Variants in GALNTL6 observed in about 807,000 individuals in gnomAD.
GALNTL6 encodes the protein polypeptide N-acetylgalactosaminyltransferase like 6.
A neutral mutation model predicts 73.7 loss-of-function variants in GALNTL6; 46 were observed. The ratio of observed to expected loss-of-function variants is 0.62; its 90% confidence interval spans 0.49 to 0.80. The LOEUF (loss-of-function observed/expected upper bound fraction) is 0.80, where lower values mean the gene tolerates loss of function less well. Among genes scored for constraint, GALNTL6 ranks in the 30% least tolerant of loss-of-function variants. The pLI, the probability that GALNTL6 is intolerant of heterozygous loss-of-function variation, is 0.00. For synonymous variants in GALNTL6, 259 were observed against 263.7 expected, an observed-to-expected ratio of 0.98 and a Z score of 0.17; for missense variants, 604 against 755.0, an observed-to-expected ratio of 0.80 and a Z score of 2.34.
At chr4:172,270,418 GT>G (rs1457038940) in intron 3 of GALNTL6, among the ~76,000 whole-genome samples, 1 of 152,080 alleles carries the variant, frequency 6.6e-6, no homozygotes, top group African/African-American at 2.4e-5. Flanking sequence ...AAGCAGATTG[GT>G]TTTTCAACAT....
At chr4:172,811,823 C>T (rs1323588291) in intron 6 of GALNTL6, among the ~76,000 whole-genome samples, 1 of 152,148 alleles carries the variant, frequency 6.6e-6, no homozygotes, top group East Asian at 1.9e-4. Flanking sequence ...TCATTTATCA[C>T]CTTTGAAACA....
intron 5 of GALNTL6, among the ~76,000 whole-genome samples, chr4:172,775,836 T>C (rs1458174044): frequency 6.6e-6 from 1 of 152,134 alleles, no homozygotes; most frequent in Non-Finnish European, 1.5e-5. Context: ...GATTGATGAA[T>C]GAAATGGCCA....
intron 5 of GALNTL6, among the ~76,000 whole-genome samples, chr4:172,662,889 C>T (rs1731451393): frequency 6.6e-6 from 1 of 152,152 alleles, no homozygotes; most frequent in African/African-American, 2.4e-5. Flanking sequence ...AGGAGGTGGT[C>T]AGGTCAGGAA....
At chr4:172,207,086 G>A (rs550491131) in intron 2 of GALNTL6, among the ~76,000 whole-genome samples, 2 of 151,788 alleles carry the variant, frequency 1.3e-5, no homozygotes, top group African/African-American at 4.8e-5. Flanking sequence ...CAAAGTGCTG[G>A]GATTACAGGC....
At chr4:171,849,298 G>C (rs1251379874) in intron 2 of GALNTL6, among the ~76,000 whole-genome samples, 1 of 152,186 alleles carries the variant, frequency 6.6e-6, no homozygotes. Context: ...GGGAAACTCA[G>C]GTTGTTGCAG....
chr4:172,094,928 C>G (rs1732307585), intron 2 of GALNTL6, among the ~76,000 whole-genome samples: 1 of 150,156 alleles, frequency 6.7e-6, no homozygotes, highest in Admixed American at 6.6e-5. Context: ...TTCACTGTTT[C>G]TTAAATCCCA....
At chr4:172,621,840 G>A (rs1196108958) in intron 5 of GALNTL6, among the ~76,000 whole-genome samples, 1 of 152,046 alleles carries the variant, frequency 6.6e-6, no homozygotes, top group Non-Finnish European at 1.5e-5. Context: ...ATTCTTTGTA[G>A]CTAATGTTTT....
At chr4:172,195,943 C>T (rs2110889462) in intron 2 of GALNTL6, among the ~76,000 whole-genome samples, 1 of 147,270 alleles carries the variant, frequency 6.8e-6, no homozygotes, top group African/African-American at 2.5e-5. Context: ...AAGATCAGAG[C>T]AGAACTGAAG....
At chr4:171,882,179 A>G (rs1381456291) in intron 2 of GALNTL6, among the ~76,000 whole-genome samples, 3 of 152,142 alleles carry the variant, frequency 2.0e-5, no homozygotes, top group African/African-American at 7.2e-5. Context: ...AATACATTCA[A>G]TGTTATTTCT....
intron 5 of GALNTL6, among the ~76,000 whole-genome samples, chr4:172,526,372 TGAA>T (rs1040537578): frequency 7.0e-4 from 107 of 152,302 alleles, no homozygotes; most frequent in African/African-American, 2.5e-3. Flanking sequence ...ATTTTATAAT[TGAA>T]GCCCAACTGA....
At chr4:172,985,342 T>C (rs1020303944) in intron 10 of GALNTL6, among the ~76,000 whole-genome samples, 1 of 151,872 alleles carries the variant, frequency 6.6e-6, no homozygotes, top group East Asian at 1.9e-4. Context: ...ATAATAATAA[T>C]AAATTGTTGT....
intron 10 of GALNTL6, among the ~76,000 whole-genome samples, chr4:172,959,463 C>T (rs1005691791): frequency 2.0e-5 from 3 of 151,950 alleles, no homozygotes; most frequent in Non-Finnish European, 4.4e-5. Flanking sequence ...ATACCTACAA[C>T]AGTTATGGAG....
chr4:171,814,366 C>T, intron 1 of GALNTL6, 46 bp from the exon 2 acceptor site: 2 of 596,192 alleles, frequency 3.4e-6, no homozygotes, highest in Non-Finnish European at 5.9e-6. Flanking sequence ...ATAATGCCTT[C>T]GTCATAGTTT....
At chr4:172,012,872 T>C (rs1195728327) in intron 2 of GALNTL6, among the ~76,000 whole-genome samples, 1 of 152,104 alleles carries the variant, frequency 6.6e-6, no homozygotes, top group Non-Finnish European at 1.5e-5. Context: ...GTTGCATTCA[T>C]TTTTGTAGCC....
chr4:172,252,337 C>A (rs1737911591), intron 3 of GALNTL6, among the ~76,000 whole-genome samples: 1 of 152,072 alleles, frequency 6.6e-6, no homozygotes, highest in Admixed American at 6.6e-5. Context: ...TTAAAATCTT[C>A]ATCTACAACT....
At chr4:172,834,790 G>C (rs917012491) in intron 7 of GALNTL6, among the ~76,000 whole-genome samples, 1 of 152,224 alleles carries the variant, frequency 6.6e-6, no homozygotes, top group Non-Finnish European at 1.5e-5. Flanking sequence ...TCTCACCCTG[G>C]AGGAGCCTGA....
intron 5 of GALNTL6, among the ~76,000 whole-genome samples, chr4:172,595,943 T>C (rs1417571526): frequency 1.3e-5 from 2 of 152,090 alleles, no homozygotes; most frequent in Non-Finnish European, 2.9e-5. Flanking sequence ...CAAATAATTT[T>C]AGGACCTATA....
At chr4:172,921,413 T>C (rs530708065) in intron 8 of GALNTL6, among the ~76,000 whole-genome samples, 41 of 152,354 alleles carry the variant, frequency 2.7e-4, no homozygotes, top group Non-Finnish European at 4.7e-4. Flanking sequence ...TATGTCCAAA[T>C]TTCAGGTTGT....
At chr4:171,943,425 T>A (rs1738607848) in intron 2 of GALNTL6, among the ~76,000 whole-genome samples, 1 of 152,240 alleles carries the variant, frequency 6.6e-6, no homozygotes. Flanking sequence ...TCTTGATTGC[T>A]GAAATTCTTC....
Sources: allele counts gnomAD v4.1 joint callset (sites outside exome capture counted in the v4.1 genomes callset), GRCh38; gene constraint gnomAD v4.1.1; transcripts MANE v1.5; gene names NCBI Gene and HGNC (gene_info 2026-07-23, HGNC 2026-07-21).